SV2B: variants seen among roughly 807,000 people sequenced by gnomAD.
SV2B encodes synaptic vesicle glycoprotein 2B, also known as solute carrier family 22 member B2.
In SV2B, 41 loss-of-function variants were observed where a neutral mutation model predicts 73.9. The observed-to-expected ratio is 0.56, with a 90% confidence interval of 0.43 to 0.72. SV2B has a LOEUF of 0.72. SV2B is among the 30% of genes least tolerant of loss of function. The pLI is 0.00. For synonymous variants in SV2B, 314 were observed against 314.2 expected, an observed-to-expected ratio of 1.00 and a Z score of 0.01; for missense variants, 764 against 857.8, an observed-to-expected ratio of 0.89 and a Z score of 1.37.
chr15:91,116,786 T>C (rs1485067316), intron 1 of SV2B, among the ~76,000 whole-genome samples: 1 of 152,184 alleles, frequency 6.6e-6, no homozygotes, highest in African/African-American at 2.4e-5. Flanking sequence ...AGAGGTTTAA[T>C]GGATTCACAG....
Position 91,265,136 on chromosome 15 carries a change from C to T in SV2B, c.1009-1446C>T, listed in dbSNP as rs755516786. Among the ~76,000 whole-genome samples the T allele has an allele frequency of 6.6e-5, 10 of 152,172 alleles. No homozygotes were observed. Among genetic ancestry groups the T allele is most frequent in the African/African-American group, 1.2e-4 (5 of 41,444 alleles). On this transcript the variant is annotated intron_variant, in intron 6 of 12. Coordinates refer to ENST00000394232, the MANE Select transcript of SV2B (RefSeq NM_001323032.3). This position sits in a 1 kb window ranked among gnomAD's most constrained non-coding sequence, Gnocchi z 4.2. ...AGGTGTTACCTGTTTTACTCCTGTG[C>T]GTGTCCCATCAGCAGACGTGCTCAT...
At chr15:91,243,869 A>G (rs1301027463) in intron 2 of SV2B, among the ~76,000 whole-genome samples, 1 of 152,070 alleles carries the variant, frequency 6.6e-6, no homozygotes, top group Non-Finnish European at 1.5e-5. Context: ...CACATTCAGA[A>G]CCTAGAACTT....
rs371494119 is a variant in SV2B, at chr15:91,238,506, G to A, written c.451+11792G>A. ...ACCCCTGGAAGACTTTTCCAGGTGCGCATTACACATATAACCTTAAACAAC... is the reference window on the plus strand; with the variant it reads ...ACCCCTGGAAGACTTTTCCAGGTGCACATTACACATATAACCTTAAACAAC... On this transcript the variant is annotated intron_variant, in intron 2 of 12. Transcript: ENST00000394232. Among the ~76,000 whole-genome samples the A allele has an allele frequency of 3.1e-4, 47 of 152,298 alleles. 1 individual carries two copies. In the East Asian group the frequency reaches 4.8e-3, roughly 16 times the overall value.
intron 1 of SV2B, among the ~76,000 whole-genome samples, chr15:91,222,710 C>T (rs1413302803): frequency 6.6e-6 from 1 of 152,156 alleles, no homozygotes; most frequent in East Asian, 1.9e-4. Flanking sequence ...AAAGCCAAGC[C>T]CTGATATTGA....
intron 5 of SV2B, among the ~76,000 whole-genome samples, chr15:91,259,646 C>T (rs1053346554): frequency 1.3e-5 from 2 of 152,186 alleles, no homozygotes; most frequent in Non-Finnish European, 2.9e-5. Flanking sequence ...GAAAACTGTA[C>T]GGGAGACTCC....
At chr15:91,135,007 T>A (rs1485353499) in intron 1 of SV2B, among the ~76,000 whole-genome samples, 3 of 151,852 alleles carry the variant, frequency 2.0e-5, no homozygotes, top group East Asian at 1.9e-4. Context: ...TTTTTTTTTT[T>A]TTTTTATTTT....
intron 1 of SV2B, among the ~76,000 whole-genome samples, chr15:91,114,619 T>C (rs1330082604): frequency 6.6e-6 from 1 of 152,146 alleles, no homozygotes; most frequent in African/African-American, 2.4e-5. Context: ...CTTAATCCTA[T>C]GGAGGAAGAG....
intron 11 of SV2B, among the ~76,000 whole-genome samples, chr15:91,287,442 C>A (rs529581579): frequency 1.3e-5 from 2 of 152,322 alleles, no homozygotes; most frequent in South Asian, 2.1e-4. Flanking sequence ...CACCTCATTG[C>A]CAGTCACTTT....
chr15:91,238,569 G>A (rs536141865), intron 2 of SV2B, among the ~76,000 whole-genome samples: 131 of 152,372 alleles, frequency 8.6e-4, no homozygotes, highest in African/African-American at 3.0e-3. Context: ...AGATGCAAGT[G>A]TGAAGTTGGC....
intron 1 of SV2B, among the ~76,000 whole-genome samples, chr15:91,169,745 G>T (rs1195686365): frequency 1.3e-5 from 2 of 152,160 alleles, no homozygotes; most frequent in African/African-American, 4.8e-5. Flanking sequence ...ATAGGGTAAT[G>T]GGTAGCGGCG....
In SV2B at chr15:91,132,759, G is replaced by T. The variant is rs1010171993; in HGVS notation, c.-392+32396G>T. Reference sequence around the variant, plus strand: ...AGAGGCTGAGGTGGGAGGATCCGTTGAGCCCAGGAGTTTGAGGCTGCAGTG... The same window carrying T: ...AGAGGCTGAGGTGGGAGGATCCGTTTAGCCCAGGAGTTTGAGGCTGCAGTG... On this transcript the variant is annotated intron_variant, in intron 1 of 12. Transcript: ENST00000394232. This position sits in a 1 kb window ranked among gnomAD's most constrained non-coding sequence, Gnocchi z 4.6. Among the ~76,000 whole-genome samples, 1 of 152,116 alleles carries T rather than the reference G, an allele frequency of 6.6e-6. No homozygotes were observed. Among genetic ancestry groups the T allele is most frequent in the Non-Finnish European group, 1.5e-5 (1 of 68,020 alleles).
chr15:91,193,995 GT>G (rs199587537), intron 1 of SV2B, among the ~76,000 whole-genome samples: 1 of 150,928 alleles, frequency 6.6e-6, no homozygotes, highest in African/African-American at 2.5e-5. Flanking sequence ...GGGTATAGAG[GT>G]TTTTTTTGTT....
intron 1 of SV2B, among the ~76,000 whole-genome samples, chr15:91,215,304 G>A (rs1475072919): frequency 3.9e-5 from 6 of 152,184 alleles, no homozygotes; most frequent in African/African-American, 9.7e-5. Context: ...TTGACTTTGA[G>A]TGAGCACAAA....
At chr15:91,181,860 A>G (rs146992865) in intron 1 of SV2B, among the ~76,000 whole-genome samples, 84 of 152,106 alleles carry the variant, frequency 5.5e-4, no homozygotes, top group African/African-American at 1.9e-3. Context: ...TTGAAACCAG[A>G]AAGATTTTAG....
intron 1 of SV2B, among the ~76,000 whole-genome samples, chr15:91,185,766 C>CTGCACACAAAGG (rs2044745858): frequency 6.6e-6 from 1 of 152,186 alleles, no homozygotes; most frequent in Non-Finnish European, 1.5e-5. Flanking sequence ...CCTTGCAAGG[C>CTGCACACAAAGG]AGATTGTGTG....
chr15:91,256,239 T>A (rs2047686049), intron 4 of SV2B, among the ~76,000 whole-genome samples: 2 of 152,222 alleles, frequency 1.3e-5, no homozygotes, highest in African/African-American at 4.8e-5. Flanking sequence ...TTAATATTGT[T>A]CCAAATATTT....
At position 91,177,189 on chromosome 15, in the gene SV2B, A is replaced by G. The variant is rs570709442; in HGVS notation, c.-391-48684A>G. On this transcript the variant is annotated intron_variant, in intron 1 of 12. Transcript: ENST00000394232. ...CTTGTTTTACTCAGGTTTGTCAAAG[A>G]TCAGATAGTTGTAAATATGCGGCAT... Among the ~76,000 whole-genome samples the G allele has an allele frequency of 2.6e-5, 4 of 152,132 alleles. No individual in the cohort carries two copies. In the South Asian group the frequency reaches 6.2e-4, roughly 24 times the overall value.
At chr15:91,191,681 G>A (rs2045038340) in intron 1 of SV2B, among the ~76,000 whole-genome samples, 1 of 152,028 alleles carries the variant, frequency 6.6e-6, no homozygotes, top group Non-Finnish European at 1.5e-5. Context: ...ACAAATGTCT[G>A]GTGCAAAATT....
chr15:91,237,625 G>C (rs2046838993), intron 2 of SV2B, among the ~76,000 whole-genome samples: 1 of 151,512 alleles, frequency 6.6e-6, no homozygotes, highest in African/African-American at 2.5e-5. Context: ...GAACCACGTA[G>C]TTTATACAAA....
Sources: allele counts gnomAD v4.1 joint callset (sites outside exome capture counted in the v4.1 genomes callset), GRCh38; gene constraint gnomAD v4.1.1; non-coding constraint Gnocchi (gnomAD v3.1); transcripts MANE v1.5; gene names NCBI Gene and HGNC (gene_info 2026-07-23, HGNC 2026-07-21).